The following KCNT2 variants were observed in gnomAD, a reference collection of about 807,000 sequenced individuals.
The protein encoded by KCNT2 is potassium sodium-activated channel subfamily T member 2, also known as potassium channel subfamily T member 2.
A neutral mutation model predicts 153.8 loss-of-function variants in KCNT2; 67 were observed. That is an observed-to-expected ratio of 0.44 (90% CI 0.36 to 0.53). The LOEUF (loss-of-function observed/expected upper bound fraction) is 0.53, where lower values mean the gene tolerates loss of function less well. Ranked by LOEUF, KCNT2 falls within the 20% of genes least tolerant of loss-of-function variation. KCNT2 has a pLI of 0.00. For missense variants in KCNT2, 975 were observed against 1,354.8 expected, an observed-to-expected ratio of 0.72 and a Z score of 4.40; for synonymous variants, 500 against 458.8, an observed-to-expected ratio of 1.09 and a Z score of -1.15.
intron 1 of KCNT2, among the ~76,000 whole-genome samples, chr1:196,607,387 A>G (rs907756616): frequency 2.6e-5 from 4 of 152,368 alleles, no homozygotes; most frequent in African/African-American, 9.6e-5. Context: ...AATGTGCTTG[A>G]GACAGAAATA....
chr1:196,376,593 T>C (rs1467152318), intron 13 of KCNT2, among the ~76,000 whole-genome samples: 1 of 151,980 alleles, frequency 6.6e-6, no homozygotes, highest in African/African-American at 2.4e-5. Flanking sequence ...TCCTCTAGGC[T>C]AACAACTTTC....
intron 1 of KCNT2, among the ~76,000 whole-genome samples, chr1:196,593,528 G>A (rs532302932): frequency 4.0e-5 from 6 of 151,646 alleles, no homozygotes; most frequent in Non-Finnish European, 7.4e-5. Flanking sequence ...GATTGGTTTC[G>A]AAAATAACTA....
At chr1:196,302,354 A>G (rs1661261816) in intron 22 of KCNT2, among the ~76,000 whole-genome samples, 1 of 152,184 alleles carries the variant, frequency 6.6e-6, no homozygotes, top group East Asian at 1.9e-4. Flanking sequence ...AAGATTTACC[A>G]TATCATTCAT....
intron 1 of KCNT2, among the ~76,000 whole-genome samples, chr1:196,592,362 GT>G (rs1421390770): frequency 2.6e-5 from 4 of 151,278 alleles, no homozygotes; most frequent in Non-Finnish European, 4.4e-5. Context: ...GGAGGATAGT[GT>G]GGGGGTGTTG....
chr1:196,283,867 T>A (rs1659365177), intron 23 of KCNT2, among the ~76,000 whole-genome samples: 1 of 151,710 alleles, frequency 6.6e-6, no homozygotes, highest in Non-Finnish European at 1.5e-5. Flanking sequence ...CAGTTATATA[T>A]ACATACACAT....
chr1:196,342,931 A>G (rs1665807721), intron 14 of KCNT2: 1 of 152,124 alleles, frequency 6.6e-6, no homozygotes, highest in South Asian at 2.1e-4. Context: ...TTGAGAGGCA[A>G]TTAGGTTATG....
intron 13 of KCNT2, among the ~76,000 whole-genome samples, chr1:196,383,835 T>C (rs1261462727): frequency 2.0e-5 from 3 of 152,194 alleles, no homozygotes; most frequent in Non-Finnish European, 2.9e-5. Context: ...AAAGAATCAT[T>C]GGATTTGGAG....
intron 1 of KCNT2, among the ~76,000 whole-genome samples, chr1:196,505,009 G>A (rs1681014985): frequency 6.6e-6 from 1 of 152,056 alleles, no homozygotes; most frequent in Non-Finnish European, 1.5e-5. Flanking sequence ...AGTAGGTTGT[G>A]AAAATTTTCT....
chr1:196,420,262 A>G (rs1287535856), intron 12 of KCNT2, among the ~76,000 whole-genome samples: 1 of 151,880 alleles, frequency 6.6e-6, no homozygotes, highest in African/African-American at 2.4e-5. Context: ...TATGTACCAT[A>G]TTCTCATGTT....
At chr1:196,386,617 C>T (rs1485639078) in intron 13 of KCNT2, among the ~76,000 whole-genome samples, 1 of 152,046 alleles carries the variant, frequency 6.6e-6, no homozygotes, top group Non-Finnish European at 1.5e-5. Flanking sequence ...GTATTAAAAA[C>T]CATAAAAGTA....
chr1:196,406,367 T>A (rs1671829436), intron 12 of KCNT2, among the ~76,000 whole-genome samples: 1 of 151,382 alleles, frequency 6.6e-6, no homozygotes, highest in South Asian at 2.1e-4. Context: ...AATACAAAAA[T>A]AATTCAAAAG....
At chr1:196,349,990 G>A (rs1433550708) in intron 14 of KCNT2, among the ~76,000 whole-genome samples, 1 of 152,032 alleles carries the variant, frequency 6.6e-6, no homozygotes, top group Admixed American at 6.6e-5. Context: ...AGTTTACTGA[G>A]AATGATAATT....
At chr1:196,496,732 G>A (rs1472559224) in intron 1 of KCNT2, among the ~76,000 whole-genome samples, 3 of 152,118 alleles carry the variant, frequency 2.0e-5, no homozygotes, top group Non-Finnish European at 1.5e-5. Context: ...CAGCTCAAGG[G>A]GCCAGGCAGG....
At chr1:196,539,802 A>G (rs1469063281) in intron 1 of KCNT2, among the ~76,000 whole-genome samples, 1 of 151,820 alleles carries the variant, frequency 6.6e-6, no homozygotes, top group African/African-American at 2.4e-5. Flanking sequence ...TAGCCACTAA[A>G]CAATAATTAA....
intron 13 of KCNT2, among the ~76,000 whole-genome samples, chr1:196,385,464 C>T (rs866583402): frequency 1.3e-5 from 2 of 151,990 alleles, no homozygotes; most frequent in Non-Finnish European, 2.9e-5. Context: ...GACGTCGTTA[C>T]GCAGCACATG....
chr1:196,303,220 G>A (rs1041875755), intron 22 of KCNT2, among the ~76,000 whole-genome samples: 2 of 152,124 alleles, frequency 1.3e-5, no homozygotes, highest in Non-Finnish European at 2.9e-5. Context: ...TTTCTTGTGG[G>A]CCTTGGGGTA....
intron 12 of KCNT2, among the ~76,000 whole-genome samples, chr1:196,401,206 A>C (rs1671388983): frequency 6.6e-6 from 1 of 151,862 alleles, no homozygotes; most frequent in Non-Finnish European, 1.5e-5. Flanking sequence ...TAAGCAACTT[A>C]GCCTCTGCTA....
At chr1:196,361,899 GTGTT>G (rs1392034819) in intron 14 of KCNT2, among the ~76,000 whole-genome samples, 2 of 104,886 alleles carry the variant, frequency 1.9e-5, no homozygotes, top group Admixed American at 9.6e-5. Context: ...AATTGTGTGT[GTGTT>G]TGTGAGTGTG....
At chr1:196,429,537 C>A (rs1673952876) in intron 9 of KCNT2, 40 bp downstream of exon 9, 1 of 1,367,338 alleles carries the variant, frequency 7.3e-7, no homozygotes, top group Non-Finnish European at 1.0e-6. Flanking sequence ...AATTTCATGT[C>A]TCTGTACATT....
Sources: allele counts gnomAD v4.1 joint callset (sites outside exome capture counted in the v4.1 genomes callset), GRCh38; gene constraint gnomAD v4.1.1; transcripts MANE v1.5; gene names NCBI Gene and HGNC (gene_info 2026-07-23, HGNC 2026-07-21).